LRIG2: variants seen among roughly 807,000 people sequenced by gnomAD.
LRIG2 encodes the protein leucine rich repeats and immunoglobulin like domains 2.
LRIG2 carries 93 observed loss-of-function variants against 107.8 expected under a neutral mutation model. That is an observed-to-expected ratio of 0.86 (90% CI 0.73 to 1.03). The LOEUF is 1.03. LRIG2 is among the 50% of genes least tolerant of loss of function. The pLI, the probability that LRIG2 is intolerant of heterozygous loss-of-function variation, is 0.00. For synonymous variants in LRIG2, 471 were observed against 470.6 expected (o/e 1.00, Z -0.01); for missense variants, 1,226 against 1,296.0 (o/e 0.95, Z 0.83).
chr1:113,100,571 G>A (rs1654263789), intron 11 of LRIG2, 83 bp downstream of exon 11: 1 of 758,482 alleles, frequency 1.3e-6, no homozygotes, highest in Non-Finnish European at 2.2e-6. Context: ...AGTGACCCAA[G>A]TTATTTCCAA....
intron 17 of LRIG2, among the ~76,000 whole-genome samples, chr1:113,123,365 G>C (rs568044393): frequency 6.6e-6 from 1 of 152,270 alleles, no homozygotes; most frequent in Admixed American, 6.5e-5. Context: ...ACCTGAGGTT[G>C]GGAGTTCAAA....
Position 113,129,651 on chromosome 1 carries a change from T to C in LRIG2, c.*5550T>C, listed in dbSNP as rs1434247150. ...GTAGGATTAGTGTCCCATGAGTATT[T>C]CTTCCAGCAGAATCATGTCTGCCTA... On this transcript the variant is annotated 3_prime_UTR_variant, in exon 18 of 18. Coordinates refer to ENST00000361127, the MANE Select transcript of LRIG2 (RefSeq NM_014813.3). 1 of 152,220 alleles carries C rather than the reference T, an allele frequency of 6.6e-6. No homozygotes were observed. Among genetic ancestry groups the C allele is most frequent in the Non-Finnish European group, 1.5e-5 (1 of 68,040 alleles). The allele number at this position is 152,220 out of a possible 1,614,324, so 9.4% of individuals were successfully genotyped here.
intron 13 of LRIG2, among the ~76,000 whole-genome samples, 170 bp downstream of exon 13, chr1:113,110,732 G>T (rs555537603): frequency 6.6e-6 from 1 of 152,310 alleles, no homozygotes; most frequent in African/African-American, 2.4e-5. Context: ...GGATTAGTCA[G>T]TCTGCCCACT....
At chr1:113,080,807 GAAAA>G (rs1276781602) in intron 1 of LRIG2, among the ~76,000 whole-genome samples, 2 of 134,878 alleles carry the variant, frequency 1.5e-5, no homozygotes, top group African/African-American at 2.7e-5. Context: ...TTTAAACAAA[GAAAA>G]ATTCTAAATA....
In LRIG2 at chr1:113,112,682, G is replaced by T. The variant is rs1352116061; in HGVS notation, c.2002G>T (p.Glu668Ter). 6.2e-7 allele frequency: 1 copy of T among 1,613,926 alleles called. No homozygotes were observed. The highest frequency in any genetic ancestry group is 1.7e-5 in the Admixed American group (1 of 59,996). ...DVFFIANVKIEDMGIYSCMAQ... is the reference protein window; with the variant it reads ...DVFFIANVKI ...CTTCTTTATTGCCAATGTGAAAATA[G>T]AAGATATGGGAATCTATAGCTGCAT... is the stretch of plus-strand genomic sequence containing the variant. The change falls in exon 14 of 18, where the codon GAA becomes TAA. Residue 668 changes from glutamate (E) to a stop codon, truncating the protein, a stop_gained. Coordinates refer to ENST00000361127, the MANE Select transcript of LRIG2 (RefSeq NM_014813.3). LOFTEE classifies it high-confidence loss of function.
intron 1 of LRIG2, among the ~76,000 whole-genome samples, chr1:113,089,676 CTTT>C (rs35515644): frequency 1.6e-3 from 113 of 71,698 alleles, no homozygotes; most frequent in South Asian, 8.4e-3. Flanking sequence ...AGGTGGATTG[CTTT>C]TTTTTTTTTT....
At chr1:113,115,834 C>G (rs1198806863) in intron 15 of LRIG2, among the ~76,000 whole-genome samples, 1 of 152,170 alleles carries the variant, frequency 6.6e-6, no homozygotes, top group Admixed American at 6.5e-5. Context: ...CCAAACTTTA[C>G]TTCTAAAAAC....
In LRIG2 at chr1:113,124,175, A is replaced by AAACTCCGAAGT. The variant is rs1192185018; in HGVS notation, c.*75_*85dup. On this transcript the variant is annotated 3_prime_UTR_variant, in exon 18 of 18. Coordinates refer to ENST00000361127, the MANE Select transcript of LRIG2 (RefSeq NM_014813.3). ...CATTTACTACCTCAGAGCTCAGAAG[A>AAACTCCGAAGT]AACTCCGAAGTCAGCATTTGCTTTA... 1.5e-6 allele frequency: 2 copies of AAACTCCGAAGT among 1,302,112 alleles called. No homozygotes were observed. The highest frequency in any genetic ancestry group is 2.9e-5 in the African/African-American group (2 of 68,496). 80.7% of individuals were successfully genotyped at this position (1,302,112 alleles called of 1,614,324 possible).
Position 113,114,471 on chromosome 1 carries a change from C to G in LRIG2, c.2125C>G (p.Arg709Gly). ...IRPLEDKTVT[R>G]GETAVLQCIA... ...ACCCCTGGAGGATAAGACAGTAACA[C>G]GAGGTGAAACTGCGGTGTTACAGTG... The change falls in exon 15 of 18, where the codon CGA (arginine) becomes GGA (glycine). Residue 709 changes from arginine to glycine, a missense_variant. Arg to Gly is a moderately radical substitution (Grantham distance 125). Transcript: ENST00000361127. 1 of 1,613,430 alleles carries G rather than the reference C, an allele frequency of 6.2e-7. No individual in the cohort carries two copies. Among genetic ancestry groups the G allele is most frequent in the Non-Finnish European group, 8.5e-7 (1 of 1,179,842 alleles).
At chr1:113,117,768 AC>A (rs1249081337) in intron 16 of LRIG2, among the ~76,000 whole-genome samples, 1 of 152,206 alleles carries the variant, frequency 6.6e-6, no homozygotes, top group Non-Finnish European at 1.5e-5. Flanking sequence ...GGCATGAGCC[AC>A]CGCACCTGGC....
At chr1:113,121,674 C>T (rs927187585) in intron 17 of LRIG2, among the ~76,000 whole-genome samples, 1 of 150,424 alleles carries the variant, frequency 6.6e-6, no homozygotes, top group African/African-American at 2.5e-5. Context: ...ACCCAGGAGG[C>T]GGAGCTTGCA....
In LRIG2 at chr1:113,114,613, C is replaced by G; in HGVS notation, c.2267C>G (p.Ala756Gly). Residue 756 changes from alanine to glycine, a missense_variant, in exon 15 of 18, where the codon GCC (alanine) becomes GGC (glycine). By Grantham distance (60) the Ala-to-Gly change is moderately conservative. Transcript: ENST00000361127. ...AATCAGCTTCTCATCATTGTAGATG[C>G]CGGGCTAGAAGATGCTGGGAAATAT... is the stretch of plus-strand genomic sequence containing the variant. ...AANQLLIIVD[A>G]GLEDAGKYTC... 6.2e-7 allele frequency: 1 copy of G among 1,614,090 alleles called. No individual in the cohort carries two copies. Among genetic ancestry groups the G allele is most frequent in the Non-Finnish European group, 8.5e-7 (1 of 1,180,014 alleles).
At chr1:113,093,382 C>A in intron 3 of LRIG2, 48 bp from the exon 4 acceptor site, 1 of 1,603,374 alleles carries the variant, frequency 6.2e-7, no homozygotes, top group Non-Finnish European at 8.5e-7. Flanking sequence ...TTTTTGTGGC[C>A]TGGGGTGGAT....
At position 113,112,747 on chromosome 1, in the gene LRIG2, C is replaced by T; in HGVS notation, c.2067C>T (p.Ser689=). ...NTAGGLSANA[S]LTVLETPSFI... The stretch of plus-strand genomic sequence containing the variant: ...CAGGAGGTCTCTCAGCAAATGCTTC[C>T]CTAACAGTGTTAGGTACGTTTACTG... The change falls in exon 14 of 18, where the codon TCC becomes TCT. Residue 689 remains serine (S), a synonymous_variant. Transcript: ENST00000361127. The T allele has an allele frequency of 1.2e-6, 2 of 1,604,002 alleles. No individual in the cohort carries two copies. Among genetic ancestry groups the T allele is most frequent in the Non-Finnish European group, 1.7e-6 (2 of 1,171,506 alleles).
Position 113,074,934 on chromosome 1 carries a change from G to A in LRIG2, c.239+1289G>A, listed in dbSNP as rs549095632. Among the ~76,000 whole-genome samples, 3 of 140,172 alleles carry A rather than the reference G, an allele frequency of 2.1e-5. No individual in the cohort carries two copies. The South Asian group carries it at 6.9e-4, about 32-fold the overall frequency. 92.0% of individuals were successfully genotyped at this position (140,172 alleles called of 152,430 possible). ...GGGGAGGGAGGGTCGGGGAGGAAGA[G>A]GGGCCGGGTGCGGTGGCTCACGCTT... On this transcript the variant is annotated intron_variant, in intron 1 of 17. Transcript: ENST00000361127.
chr1:113,087,923 A>T (rs1331077327), intron 1 of LRIG2, among the ~76,000 whole-genome samples: 1 of 152,226 alleles, frequency 6.6e-6, no homozygotes, highest in Non-Finnish European at 1.5e-5. Context: ...GAAAAAGGTT[A>T]CTAAAGTTGA....
chr1:113,089,704 C>CA (rs201270160), intron 1 of LRIG2, among the ~76,000 whole-genome samples: 2,031 of 42,498 alleles, frequency 0.048, 74 homozygotes, highest in African/African-American at 0.1. Context: ...TTTTTGGAGA[C>CA]AGAGTCTTGC....
intron 14 of LRIG2, 122 bp downstream of exon 14, chr1:113,112,882 T>G (rs1654834733): frequency 6.0e-6 from 6 of 996,156 alleles, no homozygotes; most frequent in Non-Finnish European, 8.5e-6. Context: ...TTTATCTTAT[T>G]TCACAATTTT....
At chr1:113,086,343 C>CT (rs960456138) in intron 1 of LRIG2, among the ~76,000 whole-genome samples, 10 of 152,200 alleles carry the variant, frequency 6.6e-5, no homozygotes, top group Non-Finnish European at 1.3e-4. Context: ...TAGGTACACT[C>CT]TTAACAAGGC....
Sources: gnomAD v4.1 joint callset for allele counts (sites outside exome capture counted in the v4.1 genomes callset) on GRCh38, gnomAD v4.1.1 for gene constraint, MANE v1.5 for transcripts, NCBI Gene and HGNC (gene_info 2026-07-23, HGNC 2026-07-21) for gene names.